TBXAS1: variants seen among roughly 807,000 people sequenced by gnomAD.
TBXAS1 encodes the protein thromboxane-A synthase.
In TBXAS1, 48 loss-of-function variants were observed where a neutral mutation model predicts 60.7. The ratio of observed to expected loss-of-function variants is 0.79; its 90% CI spans 0.63 to 1.01. The LOEUF is 1.01. Ranked by LOEUF, TBXAS1 falls within the 50% of genes least tolerant of loss-of-function variation. The pLI is 0.00. For synonymous variants in TBXAS1, 287 were observed against 269.7 expected (o/e 1.06, Z -0.63); for missense variants, 685 against 686.3 (o/e 1.00, Z 0.02).
chr7:140,007,320 G>C (rs1814167109), intron 10 of TBXAS1, 138 bp downstream of exon 10: 1 of 758,962 alleles, frequency 1.3e-6, no homozygotes, highest in Non-Finnish European at 2.3e-6. Context: ...GGGTTCCTTT[G>C]TATCCCCATG....
chr7:139,887,592 A>G (rs1803205855), intron 3 of TBXAS1, among the ~76,000 whole-genome samples: 1 of 152,272 alleles, frequency 6.6e-6, no homozygotes, highest in Non-Finnish European at 1.5e-5. Context: ...ATGTTGTAGC[A>G]CATGGGAGAA....
intron 3 of TBXAS1, among the ~76,000 whole-genome samples, chr7:139,904,972 CCTTT>C (rs1403212763): frequency 1.3e-5 from 2 of 149,876 alleles, no homozygotes; most frequent in Non-Finnish European, 3.0e-5. Context: ...TCCCTCCCTA[CCTTT>C]CTTTCTCTTT....
At chr7:139,964,762 C>G (rs1810650057) in intron 9 of TBXAS1, among the ~76,000 whole-genome samples, 1 of 152,254 alleles carries the variant, frequency 6.6e-6, no homozygotes, top group Non-Finnish European at 1.5e-5. Context: ...ACAATATTTT[C>G]CTTCCAAACA....
rs752392921 is a variant in TBXAS1, at chr7:140,001,672, G to A, written c.1135-5419G>A. 7.3e-4 allele frequency among the ~76,000 whole-genome samples: 111 copies of A among 152,262 alleles called. 1 individual carries two copies. The highest frequency in any genetic ancestry group is 2.4e-3 in the African/African-American group (98 of 41,554). On this transcript the variant is annotated intron_variant, in intron 9 of 12. Transcript: ENST00000448866. Reference sequence around the variant, plus strand: ...CTCCCAAAGTGCTGAGATTATGGGCGTGAGCCACCGTGACTGGCCGATAAG... The same window carrying A: ...CTCCCAAAGTGCTGAGATTATGGGCATGAGCCACCGTGACTGGCCGATAAG...
chr7:139,891,195 T>C (rs942881780), intron 3 of TBXAS1, among the ~76,000 whole-genome samples: 7 of 151,914 alleles, frequency 4.6e-5, no homozygotes, highest in African/African-American at 1.7e-4. Flanking sequence ...TACGGACCTG[T>C]GGGAGAACTC....
At chr7:139,796,612 G>C (rs1286604603) in intron 4 of TBXAS1, among the ~76,000 whole-genome samples, 1 of 152,200 alleles carries the variant, frequency 6.6e-6, no homozygotes, top group Non-Finnish European at 1.5e-5. Context: ...AACACAAAGA[G>C]TGAACCTTGA....
chr7:139,891,670 C>T (rs1288851315), intron 3 of TBXAS1, among the ~76,000 whole-genome samples: 1 of 152,170 alleles, frequency 6.6e-6, no homozygotes, highest in African/African-American at 2.4e-5. Flanking sequence ...GGGACTTGCT[C>T]TCTTGTTTGT....
At chr7:139,829,208 C>G, upstream of TBXAS1, 1 of 699,098 alleles carries the variant, frequency 1.4e-6, no homozygotes, top group Non-Finnish European at 2.6e-6. Context: ...TTGTGCCCTC[C>G]TCTTCCTTCC....
At chr7:139,965,499 A>G (rs1810715231) in intron 9 of TBXAS1, among the ~76,000 whole-genome samples, 1 of 152,118 alleles carries the variant, frequency 6.6e-6, no homozygotes, top group African/African-American at 2.4e-5. Flanking sequence ...CAGTGGCACA[A>G]TCTTGGCTCA....
At chr7:139,869,746 C>A (rs117013721) in intron 1 of TBXAS1, among the ~76,000 whole-genome samples, 1 of 152,138 alleles carries the variant, frequency 6.6e-6, no homozygotes, top group Non-Finnish European at 1.5e-5. Flanking sequence ...AAGTCACATT[C>A]TGAGATTAGG....
At position 139,878,132 on chromosome 7, in the gene TBXAS1, GGAGA is replaced by G. The variant is rs556514246; in HGVS notation, c.236+2508_236+2511del. On this transcript the variant is annotated intron_variant, in intron 3 of 12. Transcript: ENST00000448866. ...GTGAGAGAGAGAGAGAGAGAGAGAAGGAGAGAGAGAGAGAGAATGACAGAGAAAA... is the reference window on the plus strand; with the variant it reads ...GTGAGAGAGAGAGAGAGAGAGAGAAGGAGAGAGAGAGAATGACAGAGAAAA... Among the ~76,000 whole-genome samples the G allele has an allele frequency of 1.0e-3, 139 of 138,032 alleles. 1 individual carries two copies. Among genetic ancestry groups the G allele is most frequent in the African/African-American group, 3.5e-3 (128 of 36,832 alleles). The allele number at this position is 138,032 out of a possible 152,430, so 90.6% of individuals were successfully genotyped here.
chr7:140,016,078 C>T (rs1002961103), intron 11 of TBXAS1, among the ~76,000 whole-genome samples: 2 of 152,110 alleles, frequency 1.3e-5, no homozygotes, highest in Admixed American at 1.3e-4. Context: ...CCTGTAATCC[C>T]AGCACTTTGG....
rs182713138 is a variant in TBXAS1, at chr7:139,932,476, A to G, written c.334-3715A>G. 5.1e-4 allele frequency among the ~76,000 whole-genome samples: 77 copies of G among 152,244 alleles called. No individual in the cohort carries two copies. In the Middle Eastern group the frequency reaches 0.024, roughly 47 times the overall value. The stretch of plus-strand genomic sequence containing the variant: ...TTGACTATTGGGATAGTTCTCCTTC[A>G]GATGAGCTGAAATTTTCTCCATAGC... On this transcript the variant is annotated intron_variant, in intron 4 of 12. Coordinates refer to ENST00000448866, the MANE Select transcript of TBXAS1 (RefSeq NM_001061.7).
At chr7:139,981,622 T>C (rs1247743841) in intron 9 of TBXAS1, among the ~76,000 whole-genome samples, 1 of 152,268 alleles carries the variant, frequency 6.6e-6, no homozygotes, top group African/African-American at 2.4e-5. Flanking sequence ...CGCCAACCTC[T>C]AGCTGAAAGG....
chr7:139,936,518 T>G (rs1451896025), intron 5 of TBXAS1, among the ~76,000 whole-genome samples: 1 of 152,160 alleles, frequency 6.6e-6, no homozygotes, highest in Non-Finnish European at 1.5e-5. Context: ...TATCCCCACT[T>G]GCCATAAATG....
rs1271088108 is a variant in TBXAS1 at position 140,012,083 on chromosome 7, C to T, written c.1227-3640C>T. Among the ~76,000 whole-genome samples, 5 of 152,132 alleles carry T rather than the reference C, an allele frequency of 3.3e-5. No homozygotes were observed. The South Asian group carries it at 6.2e-4, about 19-fold the overall frequency. ...ACAGACAGGAGCAGGAGTGGGAGCC[C>T]GTGTACGGGATTCATTAGGGAAACA... On this transcript the variant is annotated intron_variant, in intron 10 of 12. Coordinates refer to ENST00000448866, the MANE Select transcript of TBXAS1 (RefSeq NM_001061.7).
chr7:139,960,028 T>A (rs1810204416), intron 8 of TBXAS1, among the ~76,000 whole-genome samples: 1 of 152,014 alleles, frequency 6.6e-6, no homozygotes. Context: ...TGTTTGAAAA[T>A]CAGAACGAGC....
chr7:139,869,644 C>T (rs1358267723), intron 1 of TBXAS1, among the ~76,000 whole-genome samples: 1 of 152,172 alleles, frequency 6.6e-6, no homozygotes. Flanking sequence ...CTGCCTCAGC[C>T]TCCCAAAGTG....
intron 4 of TBXAS1, among the ~76,000 whole-genome samples, chr7:139,931,996 T>G (rs1426043010): frequency 6.6e-6 from 1 of 152,020 alleles, no homozygotes; most frequent in African/African-American, 2.4e-5. Context: ...GTGAGTGTAC[T>G]TAATACCACC....
Sources: gnomAD v4.1 joint callset for allele counts (sites outside exome capture counted in the v4.1 genomes callset) on GRCh38, gnomAD v4.1.1 for gene constraint, MANE v1.5 for transcripts, NCBI Gene and HGNC (gene_info 2026-07-23, HGNC 2026-07-21) for gene names.